Variants in RASSF8 observed in about 807,000 individuals in gnomAD.
The protein encoded by RASSF8 is Ras association domain family member 8, also known as ras association domain-containing protein 8.
A neutral mutation model predicts 48.5 loss-of-function variants in RASSF8; 22 were observed. The ratio of observed to expected loss-of-function variants is 0.45; its 90% CI spans 0.32 to 0.65. RASSF8 has a LOEUF of 0.65. Among genes scored for constraint, RASSF8 ranks in the 30% least tolerant of loss-of-function variants. The pLI, the probability that RASSF8 is intolerant of heterozygous loss-of-function variation, is 0.03. For missense variants in RASSF8, 418 were observed against 489.2 expected, an observed-to-expected ratio of 0.85 and a Z score of 1.37; for synonymous variants, 127 against 171.5, an observed-to-expected ratio of 0.74 and a Z score of 2.03.
At chr12:26,058,223 A>G (rs921216348) in intron 3 of RASSF8, among the ~76,000 whole-genome samples, 2 of 152,242 alleles carry the variant, frequency 1.3e-5, no homozygotes, top group Non-Finnish European at 2.9e-5. Context: ...CTCTTTCTGT[A>G]TCGTAAATAC....
At chr12:25,979,312 C>T (rs1037161607) in intron 1 of RASSF8, among the ~76,000 whole-genome samples, 1 of 151,970 alleles carries the variant, frequency 6.6e-6, no homozygotes, top group Non-Finnish European at 1.5e-5. Flanking sequence ...GAGATCAGTG[C>T]CCTCCCTAGA....
At chr12:26,066,981 T>A (rs1375738658) in intron 4 of RASSF8, among the ~76,000 whole-genome samples, 1 of 152,250 alleles carries the variant, frequency 6.6e-6, no homozygotes, top group African/African-American at 2.4e-5. Flanking sequence ...ATAGTGAGAA[T>A]CTTGTGGGAA....
chr12:25,987,355 T>A (rs1481808792), intron 1 of RASSF8, among the ~76,000 whole-genome samples: 2 of 152,164 alleles, frequency 1.3e-5, no homozygotes, highest in Admixed American at 6.5e-5. Context: ...TTTTTTTGAC[T>A]AGCCTGGAGC....
downstream of RASSF8, among the ~76,000 whole-genome samples, chr12:26,076,136 A>C (rs1205512428): frequency 6.6e-6 from 1 of 152,144 alleles, no homozygotes. Context: ...GATGCCCCCT[A>C]GTCTTCTCTT....
intron 5 of RASSF8, 113 bp from the exon 6 acceptor site, chr12:26,068,584 T>G: frequency 1.2e-6 from 1 of 812,870 alleles, no homozygotes; most frequent in Non-Finnish European, 1.9e-6. Flanking sequence ...GGGATTGCAA[T>G]TATTGCTCTA....
chr12:26,025,143 G>A (rs143089277), intron 2 of RASSF8, among the ~76,000 whole-genome samples: 2 of 152,250 alleles, frequency 1.3e-5, no homozygotes, highest in Non-Finnish European at 2.9e-5. Flanking sequence ...ACGCACACAC[G>A]CAGCCAAAAG....
intron 1 of RASSF8, among the ~76,000 whole-genome samples, chr12:25,963,753 G>T (rs1941292516): frequency 6.6e-6 from 1 of 152,184 alleles, no homozygotes; most frequent in African/African-American, 2.4e-5. Flanking sequence ...GGTTGGGAGA[G>T]CAAGGAGGAT....
chr12:26,072,159 A>G lies in RASSF8; in HGVS notation c.*3341A>G, dbSNP rs1398978138. 3.1e-6 allele frequency: 3 copies of G among 981,292 alleles called. No individual in the cohort carries two copies. The African/African-American group carries it at 5.2e-5, about 17-fold the overall frequency. 60.8% of individuals were successfully genotyped at this position (981,292 alleles called of 1,614,324 possible). On this transcript the variant is annotated 3_prime_UTR_variant, in exon 6 of 6. Coordinates refer to ENST00000689635, the MANE Select transcript of RASSF8 (RefSeq NM_001394098.1). Reference sequence around the variant, plus strand: ...ATTTATATAACGATGCTGTGTTCACATCCCTCTCCTACCTAAAGTTGTCTT... The same window carrying G: ...ATTTATATAACGATGCTGTGTTCACGTCCCTCTCCTACCTAAAGTTGTCTT...
intron 2 of RASSF8, among the ~76,000 whole-genome samples, chr12:26,013,555 C>G (rs1942579801): frequency 6.6e-6 from 1 of 152,100 alleles, no homozygotes; most frequent in Admixed American, 6.6e-5. Flanking sequence ...GTAGCCAGGC[C>G]TCTTCATTAG....
chr12:25,968,543 C>G (rs1403935709), intron 1 of RASSF8, among the ~76,000 whole-genome samples: 1 of 151,984 alleles, frequency 6.6e-6, no homozygotes, highest in Non-Finnish European at 1.5e-5. Context: ...GGGGTTTTAC[C>G]ATGTTGGCCA....
intron 1 of RASSF8, among the ~76,000 whole-genome samples, chr12:25,978,185 G>T (rs1055745018): frequency 2.0e-5 from 3 of 152,190 alleles, no homozygotes; most frequent in Admixed American, 6.5e-5. Context: ...CATTCTAGCT[G>T]AGTATGTAGA....
At chr12:25,975,213 A>G (rs1307227924) in intron 1 of RASSF8, among the ~76,000 whole-genome samples, 2 of 152,208 alleles carry the variant, frequency 1.3e-5, no homozygotes, top group East Asian at 3.8e-4. Context: ...CCAAAAGCAC[A>G]GGATATAAGG....
At chr12:26,048,793 G>A (rs183107532) in intron 2 of RASSF8, among the ~76,000 whole-genome samples, 3 of 151,412 alleles carry the variant, frequency 2.0e-5, no homozygotes, top group South Asian at 2.1e-4. Flanking sequence ...CACTCTTGTC[G>A]CCCAGGCTGG....
intron 1 of RASSF8, among the ~76,000 whole-genome samples, chr12:25,964,112 G>T (rs1257115682): frequency 6.6e-6 from 1 of 152,190 alleles, no homozygotes; most frequent in African/African-American, 2.4e-5. Flanking sequence ...CCACTGTGGA[G>T]GAGAGGAAAG....
At chr12:25,983,706 AC>A (rs200721686) in intron 1 of RASSF8, among the ~76,000 whole-genome samples, 83 of 152,172 alleles carry the variant, frequency 5.5e-4, no homozygotes, top group African/African-American at 1.9e-3. Context: ...AAGAAAAAAA[AC>A]AAAAAAGCTG....
Position 26,069,560 on chromosome 12 carries a change from C to T in RASSF8, c.*742C>T. On this transcript the variant is annotated 3_prime_UTR_variant, in exon 6 of 6. Transcript: ENST00000689635. ...TTGCAGTGTTTCAGACACTGTTGAA[C>T]AAAAATGTAATTGGTAAGTATGTAT... 3 of 985,346 alleles carry T rather than the reference C, an allele frequency of 3.0e-6. No homozygotes were observed. Among genetic ancestry groups the T allele is most frequent in the Non-Finnish European group, 3.6e-6 (3 of 829,916 alleles). The allele number at this position is 985,346 out of a possible 1,614,324, so 61.0% of individuals were successfully genotyped here.
intron 2 of RASSF8, among the ~76,000 whole-genome samples, chr12:26,053,185 T>C (rs927838901): frequency 1.9e-4 from 17 of 88,022 alleles, no homozygotes; most frequent in Admixed American, 6.4e-4. Context: ...TCTTCCACAA[T>C]TGAAAAAAAA....
chr12:26,063,524 G>T (rs1943793485), intron 3 of RASSF8, among the ~76,000 whole-genome samples: 1 of 151,964 alleles, frequency 6.6e-6, no homozygotes, highest in Non-Finnish European at 1.5e-5. Flanking sequence ...AGCCTCTCAA[G>T]TAGCTAGGAC....
At chr12:26,031,646 G>T (rs1435883343) in intron 2 of RASSF8, among the ~76,000 whole-genome samples, 1 of 152,144 alleles carries the variant, frequency 6.6e-6, no homozygotes, top group Non-Finnish European at 1.5e-5. Flanking sequence ...GTAAGTAGTT[G>T]GTGGTCTGAG....
Sources: allele counts gnomAD v4.1 joint callset (sites outside exome capture counted in the v4.1 genomes callset), GRCh38; gene constraint gnomAD v4.1.1; transcripts MANE v1.5; gene names NCBI Gene and HGNC (gene_info 2026-07-23, HGNC 2026-07-21).